Variants in APPL2 observed in about 807,000 individuals in gnomAD.
The protein encoded by APPL2 is adaptor protein, phosphotyrosine interacting with PH domain and leucine zipper 2.
A neutral mutation model predicts 92.7 loss-of-function variants in APPL2; 84 were observed. The ratio of observed to expected loss-of-function variants is 0.91; its 90% CI spans 0.76 to 1.09. The LOEUF is 1.09. APPL2 is among the 50% of genes least tolerant of loss of function. The pLI is 0.00. For synonymous variants in APPL2, 291 were observed against 291.0 expected, an observed-to-expected ratio of 1.00 and a Z score of 0.00; for missense variants, 736 against 824.5, an observed-to-expected ratio of 0.89 and a Z score of 1.31.
intron 5 of APPL2, among the ~76,000 whole-genome samples, chr12:105,210,064 G>A (rs1889086319): frequency 1.3e-5 from 2 of 152,000 alleles, no homozygotes; most frequent in African/African-American, 2.4e-5. Flanking sequence ...GGGTTCAAGC[G>A]ATTCTCCTGC....
rs548632178 is a variant in APPL2 at position 105,233,486 on chromosome 12, C to T, written c.54+2473G>A. The T allele has an allele frequency of 3.9e-6, 3 of 775,444 alleles. No homozygotes were observed. In the African/African-American group the frequency reaches 5.6e-5, roughly 15 times the overall value. The allele number at this position is 775,444 out of a possible 1,614,324, so 48.0% of individuals were successfully genotyped here. On this transcript the variant is annotated intron_variant, in intron 1 of 20. Transcript: ENST00000258530. The stretch of plus-strand genomic sequence containing the variant: ...GTCAGTTAACTGCTATTCAGCTCTT[C>T]CTGGGTCACTCAGTTCAATTACAAA...
At chr12:105,199,340 T>A in intron 10 of APPL2, 33 bp downstream of exon 10, 1 of 1,595,154 alleles carries the variant, frequency 6.3e-7, no homozygotes, top group Non-Finnish European at 8.5e-7. Flanking sequence ...GAAAACGGAT[T>A]TCAGAAAAAG....
chr12:105,205,388 G>A (rs1888613054), intron 8 of APPL2, among the ~76,000 whole-genome samples: 1 of 152,184 alleles, frequency 6.6e-6, no homozygotes, highest in African/African-American at 2.4e-5. Flanking sequence ...TAATGACGGT[G>A]TGCTCTGCTG....
intron 2 of APPL2, among the ~76,000 whole-genome samples, chr12:105,220,524 T>C (rs1039360165): frequency 2.6e-5 from 4 of 152,198 alleles, no homozygotes; most frequent in Non-Finnish European, 5.9e-5. Flanking sequence ...CCATTTCAGA[T>C]CCCAGGAGCT....
intron 14 of APPL2, among the ~76,000 whole-genome samples, chr12:105,193,114 C>A (rs964389482): frequency 6.7e-6 from 1 of 148,494 alleles, no homozygotes; most frequent in Non-Finnish European, 1.5e-5. Context: ...TGGCTAGAGT[C>A]ATTTTTTTTC....
chr12:105,192,273 T>C (rs1373281439), intron 14 of APPL2, among the ~76,000 whole-genome samples: 1 of 152,158 alleles, frequency 6.6e-6, no homozygotes, highest in African/African-American at 2.4e-5. Flanking sequence ...ACCATCATCT[T>C]CTCTTGGGCT....
intron 8 of APPL2, chr12:105,206,703 A>C: frequency 5.1e-6 from 1 of 197,594 alleles, no homozygotes; most frequent in Non-Finnish European, 1.0e-5. Flanking sequence ...AGTGCCGGGA[A>C]TCCTGGGTGA....
At position 105,174,423 on chromosome 12, in the gene APPL2, A is replaced by G. The variant is rs769823964; in HGVS notation, c.1886T>C (p.Met629Thr). The part of the protein sequence containing the change: ...QKDPEALAQL[M>T]LSIPLTNDGK... Reference sequence around the variant, plus strand: ...GTCATTGGTTAGTGGTATGGACAGCATTAATTGAGCCAGTGCTTCTGGATC... The same window carrying G: ...GTCATTGGTTAGTGGTATGGACAGCGTTAATTGAGCCAGTGCTTCTGGATC... The change falls in exon 21 of 21, where the codon ATG becomes ACG. Residue 629 changes from methionine to threonine, a missense_variant. Transcript: ENST00000258530. 1 of 1,613,592 alleles carries G rather than the reference A, an allele frequency of 6.2e-7. No homozygotes were observed. Among genetic ancestry groups the G allele is most frequent in the East Asian group, 2.2e-5 (1 of 44,814 alleles).
At chr12:105,209,620 C>T (rs548809712) in intron 5 of APPL2, among the ~76,000 whole-genome samples, 3 of 152,160 alleles carry the variant, frequency 2.0e-5, no homozygotes, top group Non-Finnish European at 4.4e-5. Flanking sequence ...AATGACATCC[C>T]GTTCACTTCT....
In APPL2 at chr12:105,177,017, C is replaced by G; in HGVS notation, c.1672-1G>C. 1 of 1,613,746 alleles carries G rather than the reference C, an allele frequency of 6.2e-7. No homozygotes were observed. Among genetic ancestry groups the G allele is most frequent in the Non-Finnish European group, 8.5e-7 (1 of 1,179,924 alleles). On this transcript the variant is annotated splice_acceptor_variant, in intron 18 of 20. Transcript: ENST00000258530. LOFTEE classifies it high-confidence loss of function. ...ATTGTGTGACACTGGTAAGTTCAAA[C>G]TGGGGGGTGGAAAAAAAGGCAACAG...
intron 11 of APPL2, among the ~76,000 whole-genome samples, chr12:105,195,870 C>G (rs549251534): frequency 6.6e-6 from 1 of 152,026 alleles, no homozygotes; most frequent in Non-Finnish European, 1.5e-5. Flanking sequence ...GCCTGGGCAA[C>G]ATGGTGAAAC....
intron 9 of APPL2, among the ~76,000 whole-genome samples, chr12:105,202,990 C>T (rs1888344451): frequency 6.8e-6 from 1 of 147,744 alleles, no homozygotes; most frequent in South Asian, 2.2e-4. Flanking sequence ...TCATTATTTC[C>T]ATTTTGTCTA....
In APPL2 at chr12:105,195,627, C is replaced by T; in HGVS notation, c.1053G>A (p.Ser351=). The T allele has an allele frequency of 6.2e-7, 1 of 1,614,130 alleles. No homozygotes were observed. The highest frequency in any genetic ancestry group is 1.1e-5 in the South Asian group (1 of 91,086). The change falls in exon 12 of 21, where the codon TCG becomes TCA. Residue 351 remains serine (S), a splice_region_variant and synonymous_variant. Coordinates refer to ENST00000258530, the MANE Select transcript of APPL2 (RefSeq NM_018171.5). ...CFQITTPNGK[S]GIILQAESRK... is the part of the protein sequence containing the mutation. Reference sequence around the variant, plus strand: ...TGCTCTCAGCCTGGAGGATTATTCCCCTGAAACAAAAGTGTCTAAGTAATT... The same window carrying T: ...TGCTCTCAGCCTGGAGGATTATTCCTCTGAAACAAAAGTGTCTAAGTAATT...
chr12:105,231,564 A>C (rs1365403421), intron 1 of APPL2, among the ~76,000 whole-genome samples: 1 of 152,180 alleles, frequency 6.6e-6, no homozygotes, highest in Non-Finnish European at 1.5e-5. Flanking sequence ...TGGGATGTAA[A>C]TGGGTCGGCA....
intron 15 of APPL2, 40 bp from the exon 16 acceptor site, chr12:105,189,864 A>G (rs1251018455): frequency 1.2e-6 from 2 of 1,613,116 alleles, no homozygotes; most frequent in Non-Finnish European, 1.7e-6. Flanking sequence ...CGACAGCTGC[A>G]GCTAGAAGGG....
At position 105,174,402 on chromosome 12, in the gene APPL2, T is replaced by C. The variant is rs776738304; in HGVS notation, c.1907A>G (p.Asn636Ser). Reference protein sequence around the residue: ...AQLMLSIPLTNDGKYVLLNDQ... With the variant: ...AQLMLSIPLTSDGKYVLLNDQ... ...GTTTAACAGTACATATTTTCCGTCATTGGTTAGTGGTATGGACAGCATTAA... is the reference window on the plus strand; with the variant it reads ...GTTTAACAGTACATATTTTCCGTCACTGGTTAGTGGTATGGACAGCATTAA... The change falls in exon 21 of 21, where the codon AAT (asparagine) becomes AGT (serine). Residue 636 changes from asparagine to serine, a missense_variant. Asn to Ser is a conservative substitution (Grantham distance 46, BLOSUM62 1). Coordinates refer to ENST00000258530, the MANE Select transcript of APPL2 (RefSeq NM_018171.5). 1.1e-5 allele frequency: 18 copies of C among 1,614,024 alleles called. No homozygotes were observed. Among genetic ancestry groups the C allele is most frequent in the Non-Finnish European group, 1.4e-5 (17 of 1,179,920 alleles).
intron 2 of APPL2, among the ~76,000 whole-genome samples, chr12:105,222,760 T>G (rs1343747116): frequency 6.6e-6 from 1 of 152,156 alleles, no homozygotes; most frequent in East Asian, 1.9e-4. Flanking sequence ...GGAAACCCCG[T>G]CATTATGTCT....
intron 1 of APPL2, chr12:105,229,647 C>CA: frequency 6.0e-6 from 6 of 992,416 alleles, no homozygotes; most frequent in Non-Finnish European, 7.2e-6. Context: ...GGTCATCTAG[C>CA]ACAGCTGTAG....
At chr12:105,182,748 G>C (rs983048486) in intron 17 of APPL2, among the ~76,000 whole-genome samples, 1 of 152,212 alleles carries the variant, frequency 6.6e-6, no homozygotes, top group Non-Finnish European at 1.5e-5. Context: ...TTGGGATGGA[G>C]CATTCTGTAG....
Sources: gnomAD v4.1 joint callset for allele counts (sites outside exome capture counted in the v4.1 genomes callset) on GRCh38, gnomAD v4.1.1 for gene constraint, MANE v1.5 for transcripts, NCBI Gene and HGNC (gene_info 2026-07-23, HGNC 2026-07-21) for gene names.